Variants in NREP observed in about 807,000 individuals in gnomAD.
NREP encodes the protein neuronal regeneration related protein.
Under a neutral mutation model 8.6 loss-of-function variants are expected in NREP, and 5 were observed. The ratio of observed to expected loss-of-function variants is 0.58; its 90% CI spans 0.30 to 1.22. The LOEUF (loss-of-function observed/expected upper bound fraction) is 1.22, where lower values mean the gene tolerates loss of function less well. NREP is among the 50% of genes most tolerant of loss of function. The pLI is 0.07. For synonymous variants in NREP, 27 were observed against 28.0 expected (o/e 0.96, Z 0.11); for missense variants, 86 against 82.5 (o/e 1.04, Z -0.17).
chr5:111,828,925 A>T (rs1446651065), intron 2 of NREP, among the ~76,000 whole-genome samples: 3 of 152,154 alleles, frequency 2.0e-5, no homozygotes, highest in African/African-American at 7.2e-5. Context: ...CACAAACACA[A>T]CATCATAATC....
At chr5:111,852,401 G>A (rs1052395181) in intron 2 of NREP, among the ~76,000 whole-genome samples, 1 of 152,052 alleles carries the variant, frequency 6.6e-6, no homozygotes, top group Non-Finnish European at 1.5e-5. Context: ...TCTGACGAGG[G>A]GCGCAGTCTC....
intron 2 of NREP, among the ~76,000 whole-genome samples, chr5:111,784,557 T>C (rs551160226): frequency 7.9e-5 from 12 of 152,330 alleles, no homozygotes; most frequent in African/African-American, 2.9e-4. Context: ...TGTTTTACAC[T>C]ATTGATAGTT....
intron 2 of NREP, among the ~76,000 whole-genome samples, chr5:111,846,754 A>G (rs947741607): frequency 8.5e-5 from 13 of 152,138 alleles, no homozygotes; most frequent in African/African-American, 3.1e-4. Flanking sequence ...TCCATGAGAT[A>G]ATACCAAAAT....
intron 2 of NREP, among the ~76,000 whole-genome samples, chr5:111,749,472 C>T (rs570101424): frequency 3.3e-5 from 5 of 151,938 alleles, no homozygotes; most frequent in African/African-American, 1.2e-4. Flanking sequence ...ACTCGATTTT[C>T]GTCTATCATG....
intron 2 of NREP, among the ~76,000 whole-genome samples, chr5:111,933,830 C>G (rs1280672247): frequency 6.6e-6 from 1 of 152,114 alleles, no homozygotes; most frequent in Non-Finnish European, 1.5e-5. Flanking sequence ...CCCACAGCTA[C>G]TAACCCAGAA....
Position 111,756,329 on chromosome 5 carries a change from G to A in NREP, c.-58-499C>T, listed in dbSNP as rs1325775469. 4.1e-6 allele frequency: 3 copies of A among 727,374 alleles called. 1 individual carries two copies. The highest frequency in any genetic ancestry group is 5.0e-6 in the Non-Finnish European group (3 of 598,418). The allele number at this position is 727,374 out of a possible 1,614,324, so 45.1% of individuals were successfully genotyped here. A position where few individuals can be genotyped will look rare whatever the true frequency, so the allele number is the denominator to read the frequency against. On this transcript the variant is annotated intron_variant, in intron 1 of 3. Coordinates refer to ENST00000257435, the MANE Select transcript of NREP (RefSeq NM_004772.4). ...AAAAAAAAACCCTACACGGCGGGGGGGGTGGGGGGAGTCAGGAATATACAC... is the reference window on the plus strand; with the variant it reads ...AAAAAAAAACCCTACACGGCGGGGGAGGTGGGGGGAGTCAGGAATATACAC...
At chr5:111,862,284 A>T (rs1753560196) in intron 2 of NREP, among the ~76,000 whole-genome samples, 2 of 152,214 alleles carry the variant, frequency 1.3e-5, no homozygotes, top group Admixed American at 1.3e-4. Flanking sequence ...TTTAAGGTGC[A>T]TGCTGGTGCA....
intron 2 of NREP, among the ~76,000 whole-genome samples, chr5:111,781,162 A>T (rs756228702): frequency 9.2e-5 from 14 of 151,988 alleles, no homozygotes; most frequent in Admixed American, 2.6e-4. Context: ...TCCACTTCTG[A>T]TAGGCCCCAG....
chr5:111,787,080 C>T (rs1250852246), intron 2 of NREP, among the ~76,000 whole-genome samples: 1 of 152,186 alleles, frequency 6.6e-6, no homozygotes, highest in Non-Finnish European at 1.5e-5. Context: ...GCAGTAGCCA[C>T]TAGAACTCTT....
chr5:111,797,746 C>G lies in NREP; in HGVS notation c.136-62239G>C, dbSNP rs182929393. ...TAGCGGCCTCAATGAGTCAGAATAG[C>G]CTTCCAACCATTAAGGCCCTGATGA... On this transcript the variant is annotated intron_variant, in intron 2 of 3. Coordinates refer to the NREP transcript ENST00000395634. 2.3e-3 allele frequency among the ~76,000 whole-genome samples: 355 copies of G among 152,214 alleles called. 2 individuals are homozygous for G. The highest frequency in any genetic ancestry group is 2.9e-3 in the Non-Finnish European group (194 of 68,008).
rs890312274 is a variant in NREP at position 111,736,750 on chromosome 5, A to G, written c.4-1243T>C. On this transcript the variant is annotated intron_variant, in intron 2 of 3. Coordinates refer to ENST00000257435, the MANE Select transcript of NREP (RefSeq NM_004772.4). Reference sequence around the variant, plus strand: ...TAGCTTACAAAGCAATTTTGCATACATTACTTAATTTGTCCTGATGATAAG... The same window carrying G: ...TAGCTTACAAAGCAATTTTGCATACGTTACTTAATTTGTCCTGATGATAAG... Among the ~76,000 whole-genome samples, 8 of 152,210 alleles carry G rather than the reference A, an allele frequency of 5.3e-5. 1 individual carries two copies. Among genetic ancestry groups the G allele is most frequent in the African/African-American group, 1.9e-4 (8 of 41,448 alleles).
intron 2 of NREP, among the ~76,000 whole-genome samples, chr5:111,935,803 C>A (rs1285017141): frequency 6.6e-6 from 1 of 152,002 alleles, no homozygotes; most frequent in African/African-American, 2.4e-5. Flanking sequence ...GGCTTTAGTA[C>A]CACACCTTGA....
chr5:111,815,517 A>G (rs2112918619), intron 2 of NREP, among the ~76,000 whole-genome samples: 1 of 152,218 alleles, frequency 6.6e-6, no homozygotes, highest in African/African-American at 2.4e-5. Flanking sequence ...TCGTAAATAT[A>G]TTGAAGAAAA....
chr5:111,975,312 A>G (rs759362348), exon 2 of NREP: 3 of 1,551,568 alleles, frequency 1.9e-6, no homozygotes, highest in Admixed American at 2.0e-5. Context: ...ACCTGGAAAC[A>G]TTTGGAACAA....
At chr5:111,845,252 G>A (rs1753132446) in intron 2 of NREP, among the ~76,000 whole-genome samples, 1 of 149,432 alleles carries the variant, frequency 6.7e-6, no homozygotes, top group African/African-American at 2.4e-5. Flanking sequence ...ATGTGAAACT[G>A]TCCTTTCTAC....
intron 2 of NREP, among the ~76,000 whole-genome samples, chr5:111,972,526 C>T (rs572319888): frequency 2.0e-5 from 3 of 152,162 alleles, no homozygotes; most frequent in Admixed American, 6.5e-5. Context: ...TTACTGACAA[C>T]ATTTACTGCC....
chr5:111,825,417 A>C (rs914611339), intron 2 of NREP, among the ~76,000 whole-genome samples: 1 of 152,080 alleles, frequency 6.6e-6, no homozygotes, highest in Non-Finnish European at 1.5e-5. Flanking sequence ...TTTCATTTTA[A>C]CTCCACAACT....
intron 2 of NREP, among the ~76,000 whole-genome samples, chr5:111,952,729 G>C (rs1426321089): frequency 2.0e-5 from 3 of 152,066 alleles, no homozygotes; most frequent in East Asian, 3.9e-4. Flanking sequence ...AAAGAAGAGG[G>C]GGAAGTTGGT....
chr5:111,963,544 T>C (rs1201654969), intron 2 of NREP, among the ~76,000 whole-genome samples: 3 of 152,244 alleles, frequency 2.0e-5, no homozygotes, highest in Non-Finnish European at 4.4e-5. Context: ...CCTGAAACCC[T>C]GCCCAGAGAT....
Sources: allele counts gnomAD v4.1 joint callset (sites outside exome capture counted in the v4.1 genomes callset), GRCh38; gene constraint gnomAD v4.1.1; transcripts MANE v1.5; gene names NCBI Gene and HGNC (gene_info 2026-07-23, HGNC 2026-07-21).